SOBP: variants seen among roughly 807,000 people sequenced by gnomAD.
SOBP encodes the protein sine oculis binding protein homolog, also known as sine oculis-binding protein homolog.
SOBP carries 4 observed loss-of-function variants against 53.6 expected under a neutral mutation model. That is an observed-to-expected ratio of 0.07 (90% CI 0.04 to 0.17). SOBP has a LOEUF of 0.17. Among genes scored for constraint, SOBP ranks in the 10% least tolerant of loss-of-function variants. The pLI, the probability that SOBP is intolerant of heterozygous loss-of-function variation, is 1.00. For synonymous variants in SOBP, 584 were observed against 522.6 expected, an observed-to-expected ratio of 1.12 and a Z score of -1.60; for missense variants, 1,088 against 1,204.7, an observed-to-expected ratio of 0.90 and a Z score of 1.43.
chr6:107,635,094 G>T lies in SOBP; in HGVS notation c.2250G>T (p.Pro750=). The part of the protein sequence containing the change: ...PPPEQPPPPP[P]PAPPKKLLSP... The stretch of plus-strand genomic sequence containing the variant: ...CCGAGCAGCCGCCGCCGCCGCCGCC[G>T]CCCGCGCCCCCCAAGAAGCTGCTGT... Residue 750 remains proline (P), a synonymous_variant, in exon 6 of 7, where the codon CCG becomes CCT. Coordinates refer to ENST00000317357, the MANE Select transcript of SOBP (RefSeq NM_018013.4). The surrounding 1 kb of genome is among the most constrained non-coding windows in gnomAD (Gnocchi z 4.5). The T allele has an allele frequency of 6.3e-7, 1 of 1,595,366 alleles. No individual in the cohort carries two copies. Among genetic ancestry groups the T allele is most frequent in the South Asian group, 1.1e-5 (1 of 89,722 alleles).
intron 4 of SOBP, among the ~76,000 whole-genome samples, chr6:107,548,697 G>A (rs1784377609): frequency 6.6e-6 from 1 of 152,134 alleles, no homozygotes; most frequent in Admixed American, 6.5e-5. Flanking sequence ...AGCACTTTGG[G>A]AGGCTGAGGT....
chr6:107,636,996 CT>C (rs1410767039), intron 6 of SOBP, among the ~76,000 whole-genome samples: 1 of 152,120 alleles, frequency 6.6e-6, no homozygotes, highest in Non-Finnish European at 1.5e-5. Flanking sequence ...TAAAAAACCA[CT>C]GTAGGAGAAT....
At chr6:107,520,152 C>T (rs1783438644) in intron 3 of SOBP, among the ~76,000 whole-genome samples, 2 of 152,230 alleles carry the variant, frequency 1.3e-5, no homozygotes, top group African/African-American at 4.8e-5. Flanking sequence ...TCTAATCCTC[C>T]TATGGTAGGG....
intron 6 of SOBP, among the ~76,000 whole-genome samples, chr6:107,652,128 TAAGAGATACACTTC>T (rs1771826495): frequency 1.3e-5 from 2 of 152,322 alleles, no homozygotes; most frequent in East Asian, 3.9e-4. Context: ...TCTTATCATT[TAAGAGATACACTTC>T]ATAAGGCTCT....
chr6:107,491,467 C>G (rs1373517134), intron 1 of SOBP, among the ~76,000 whole-genome samples: 1 of 152,268 alleles, frequency 6.6e-6, no homozygotes, highest in Non-Finnish European at 1.5e-5. Context: ...GCTGGGCTCC[C>G]CGCCAGGCCA....
At chr6:107,645,813 C>T (rs891874380) in intron 6 of SOBP, among the ~76,000 whole-genome samples, 1 of 151,984 alleles carries the variant, frequency 6.6e-6, no homozygotes, top group African/African-American at 2.4e-5. Context: ...TGTGGGCTGG[C>T]GATCAGGGGT....
At chr6:107,535,180 C>T (rs1783956898) in intron 4 of SOBP, among the ~76,000 whole-genome samples, 1 of 152,098 alleles carries the variant, frequency 6.6e-6, no homozygotes, top group African/African-American at 2.4e-5. Context: ...TTATATTTTG[C>T]AAACTGTATT....
chr6:107,625,190 A>G (rs1282157324), intron 5 of SOBP, among the ~76,000 whole-genome samples: 1 of 152,222 alleles, frequency 6.6e-6, no homozygotes, highest in Non-Finnish European at 1.5e-5. Context: ...TATTAGTATT[A>G]CATCAAACTG....
At chr6:107,579,254 G>A (rs972533568) in intron 4 of SOBP, among the ~76,000 whole-genome samples, 21 of 152,268 alleles carry the variant, frequency 1.4e-4, no homozygotes, top group African/African-American at 4.8e-4. Context: ...CCTGGGGTGT[G>A]AGGTGGTGTG....
intron 3 of SOBP, chr6:107,513,809 C>T (rs756272668): frequency 2.0e-5 from 3 of 151,764 alleles, no homozygotes; most frequent in Admixed American, 6.6e-5. Context: ...GAGGAATTAA[C>T]GATGAATGGC....
chr6:107,576,783 G>A (rs1034558063), intron 4 of SOBP, among the ~76,000 whole-genome samples: 1 of 152,190 alleles, frequency 6.6e-6, no homozygotes, highest in Non-Finnish European at 1.5e-5. Context: ...GCATATGGAC[G>A]GGCCAGAACA....
chr6:107,533,598 C>T lies in SOBP; in HGVS notation c.561C>T (p.Phe187=), dbSNP rs964965846. ...TTGCGGCCTGCCGACGAGCCTACTT[C>T]AAGAGAAATAAGGTAAGAGCACCGG... ...KCFAACRRAY[F]KRNKARDEDG... The change falls in exon 4 of 7, where the codon TTC becomes TTT. Residue 187 remains phenylalanine (F), a synonymous_variant. Transcript: ENST00000317357. 1.2e-6 allele frequency: 2 copies of T among 1,613,180 alleles called. No homozygotes were observed. The highest frequency in any genetic ancestry group is 2.7e-5 in the African/African-American group (2 of 74,890).
intron 5 of SOBP, among the ~76,000 whole-genome samples, chr6:107,607,247 A>G (rs1786419219): frequency 1.3e-5 from 2 of 152,220 alleles, no homozygotes; most frequent in Admixed American, 6.5e-5. Context: ...AACATTGGTC[A>G]GATAATGTGT....
chr6:107,498,691 A>G (rs1450670859), intron 1 of SOBP, among the ~76,000 whole-genome samples: 1 of 152,212 alleles, frequency 6.6e-6, no homozygotes. Context: ...TGCAACAAAA[A>G]TTATTTTGCT....
chr6:107,592,047 T>G (rs1341702509), intron 5 of SOBP, among the ~76,000 whole-genome samples: 1 of 144,874 alleles, frequency 6.9e-6, no homozygotes, highest in East Asian at 2.1e-4. Flanking sequence ...TGATACTAAT[T>G]AAACTGGGAA....
intron 4 of SOBP, among the ~76,000 whole-genome samples, chr6:107,565,195 C>T (rs1463530320): frequency 6.6e-6 from 1 of 152,154 alleles, no homozygotes; most frequent in African/African-American, 2.4e-5. Flanking sequence ...ATCATCTGCT[C>T]AGGACTCAGT....
chr6:107,648,971 A>T (rs1771678595), intron 6 of SOBP, among the ~76,000 whole-genome samples: 1 of 152,010 alleles, frequency 6.6e-6, no homozygotes, highest in Non-Finnish European at 1.5e-5. Flanking sequence ...TGGAAGGCTG[A>T]GGTGGGAGGA....
intron 5 of SOBP, among the ~76,000 whole-genome samples, chr6:107,617,350 T>C (rs1786830512): frequency 6.6e-6 from 1 of 152,120 alleles, no homozygotes; most frequent in African/African-American, 2.4e-5. Flanking sequence ...AAAGTCAGTG[T>C]AGTCATGAGG....
intron 4 of SOBP, among the ~76,000 whole-genome samples, chr6:107,578,909 C>T (rs916574096): frequency 6.6e-5 from 10 of 152,152 alleles, no homozygotes; most frequent in African/African-American, 2.4e-4. Flanking sequence ...TTCACATTTT[C>T]TCTGATTTCT....
Sources: allele counts gnomAD v4.1 joint callset (sites outside exome capture counted in the v4.1 genomes callset), GRCh38; gene constraint gnomAD v4.1.1; non-coding constraint Gnocchi (gnomAD v3.1); transcripts MANE v1.5; gene names NCBI Gene and HGNC (gene_info 2026-07-23, HGNC 2026-07-21).